The following RAB38 variants were observed in gnomAD, a reference collection of about 807,000 sequenced individuals.
The protein encoded by RAB38 is ras-related protein Rab-38.
RAB38 carries 15 observed loss-of-function variants against 18.4 expected under a neutral mutation model. That is an observed-to-expected ratio of 0.82 (90% confidence interval 0.55 to 1.26). The LOEUF is 1.26. Ranked by LOEUF, RAB38 falls within the 50% of genes most tolerant of loss-of-function variation. The pLI is 0.00. For missense variants in RAB38, 294 were observed against 267.4 expected (o/e 1.10, Z -0.69); for synonymous variants, 101 against 104.4 (o/e 0.97, Z 0.20).
the RAB38 span, among the ~76,000 whole-genome samples, chr11:88,042,937 T>C: frequency 6.6e-6 from 1 of 152,162 alleles, no homozygotes; most frequent in African/African-American, 2.4e-5. Flanking sequence ...GCTAAAGCAA[T>C]AGCTAAGTTA....
At chr11:88,037,802 T>A in the RAB38 span, among the ~76,000 whole-genome samples, 1 of 152,138 alleles carries the variant, frequency 6.6e-6, no homozygotes, top group African/African-American at 2.4e-5. Flanking sequence ...TGTAAAGATA[T>A]AATAACTTGC....
chr11:88,117,119 C>A (rs139216227), intron 2 of RAB38, among the ~76,000 whole-genome samples: 1 of 152,272 alleles, frequency 6.6e-6, no homozygotes, highest in African/African-American at 2.4e-5. Context: ...AGAAAGGAAA[C>A]AGGCAGAGCC....
At chr11:87,811,153 G>A in the RAB38 span, among the ~76,000 whole-genome samples, 2 of 152,280 alleles carry the variant, frequency 1.3e-5, no homozygotes, top group East Asian at 1.9e-4. Flanking sequence ...CTGAGCACAC[G>A]CAGCGTGTCT....
At chr11:88,129,774 ATATTTCT>A (rs746227864) in intron 2 of RAB38, among the ~76,000 whole-genome samples, 10 of 152,244 alleles carry the variant, frequency 6.6e-5, no homozygotes, top group Non-Finnish European at 1.3e-4. Flanking sequence ...AGATACACAC[ATATTTCT>A]TATTGAATGA....
the RAB38 span, among the ~76,000 whole-genome samples, chr11:87,956,564 C>G: frequency 1.4e-5 from 2 of 140,594 alleles, no homozygotes; most frequent in Non-Finnish European, 2.9e-5. Context: ...GATAATTAAC[C>G]CCTACGTGTC....
the RAB38 span, among the ~76,000 whole-genome samples, chr11:88,088,877 G>A: frequency 4.0e-5 from 6 of 151,738 alleles, no homozygotes; most frequent in South Asian, 2.1e-4. Flanking sequence ...TCTCATAGAC[G>A]TCTAAGACAA....
At chr11:87,823,785 T>G in the RAB38 span, among the ~76,000 whole-genome samples, 1 of 152,080 alleles carries the variant, frequency 6.6e-6, no homozygotes, top group Non-Finnish European at 1.5e-5. Flanking sequence ...AAATATGATA[T>G]GTTCATACAA....
At chr11:87,820,528 T>G in the RAB38 span, among the ~76,000 whole-genome samples, 17 of 152,222 alleles carry the variant, frequency 1.1e-4, no homozygotes, top group African/African-American at 4.1e-4. Context: ...TAAATCAGAG[T>G]GGTCAAGAAT....
At chr11:87,950,008 T>A in the RAB38 span, among the ~76,000 whole-genome samples, 12 of 152,326 alleles carry the variant, frequency 7.9e-5, no homozygotes, top group Admixed American at 7.2e-4. Flanking sequence ...TCTCCCATTA[T>A]TAATGTGTGG....
the RAB38 span, among the ~76,000 whole-genome samples, chr11:88,082,041 G>A: frequency 1.3e-4 from 20 of 151,906 alleles, no homozygotes; most frequent in East Asian, 9.7e-4. Flanking sequence ...CGTTGCATCC[G>A]AAAAAGGCTC....
chr11:88,131,748 C>G (rs1011165592), intron 2 of RAB38, among the ~76,000 whole-genome samples: 1 of 152,204 alleles, frequency 6.6e-6, no homozygotes, highest in Non-Finnish European at 1.5e-5. Context: ...AAGATGTCCA[C>G]CCCCTAGGGT....
chr11:87,861,656 A>G, the RAB38 span, among the ~76,000 whole-genome samples: 89 of 151,912 alleles, frequency 5.9e-4, 1 homozygote, highest in Admixed American at 9.9e-4. Flanking sequence ...TTTAGCAGAA[A>G]AGGACCCAGG....
At chr11:87,814,580 T>G in the RAB38 span, among the ~76,000 whole-genome samples, 3 of 152,364 alleles carry the variant, frequency 2.0e-5, no homozygotes, top group Middle Eastern at 6.8e-3. Flanking sequence ...GGGAATAGTT[T>G]AAATAGAATT....
At chr11:88,155,002 G>A (rs1943108061) in intron 1 of RAB38, among the ~76,000 whole-genome samples, 1 of 152,196 alleles carries the variant, frequency 6.6e-6, no homozygotes, top group Non-Finnish European at 1.5e-5. Context: ...AGCTCTCTAG[G>A]CATCTGAAGC....
the RAB38 span, among the ~76,000 whole-genome samples, chr11:88,046,202 A>G: frequency 1.3e-5 from 2 of 152,272 alleles, no homozygotes; most frequent in Non-Finnish European, 2.9e-5. Context: ...CTTTAAAAGG[A>G]TTAAAGCTTT....
the RAB38 span, among the ~76,000 whole-genome samples, chr11:87,936,670 C>G: frequency 7.9e-5 from 12 of 152,098 alleles, no homozygotes; most frequent in African/African-American, 2.9e-4. Flanking sequence ...GCTCATTAGC[C>G]TTCCAATATA....
the RAB38 span, among the ~76,000 whole-genome samples, chr11:88,088,360 C>G: frequency 1.3e-5 from 2 of 151,890 alleles, no homozygotes; most frequent in Middle Eastern, 6.3e-3. Flanking sequence ...TCATAAGAAA[C>G]AGTTTAACTC....
At chr11:88,036,507 T>A in the RAB38 span, among the ~76,000 whole-genome samples, 1 of 152,138 alleles carries the variant, frequency 6.6e-6, no homozygotes, top group Non-Finnish European at 1.5e-5. Context: ...AAAACCAGTG[T>A]TAAAATGTCT....
At chr11:87,949,696 G>A in the RAB38 span, among the ~76,000 whole-genome samples, 13 of 152,254 alleles carry the variant, frequency 8.5e-5, no homozygotes, top group South Asian at 6.2e-4. Flanking sequence ...GTAGTTGGGC[G>A]GTTTTGAGTG....
Sources: allele counts gnomAD v4.1 joint callset (sites outside exome capture counted in the v4.1 genomes callset), GRCh38; gene constraint gnomAD v4.1.1; transcripts MANE v1.5; gene names NCBI Gene and HGNC (gene_info 2026-07-23, HGNC 2026-07-21).